Variants in CDH12 observed in about 807,000 individuals in gnomAD.
CDH12 encodes the protein cadherin 12, also known as cadherin-12.
CDH12 carries 41 observed loss-of-function variants against 74.1 expected under a neutral mutation model. The observed-to-expected ratio is 0.55, with a 90% CI of 0.43 to 0.72. CDH12 has a LOEUF of 0.72. Ranked by LOEUF, CDH12 falls within the 30% of genes least tolerant of loss-of-function variation. CDH12 has a pLI of 0.00. For synonymous variants in CDH12, 399 were observed against 355.0 expected, an observed-to-expected ratio of 1.12 and a Z score of -1.39; for missense variants, 945 against 977.2, an observed-to-expected ratio of 0.97 and a Z score of 0.44.
chr5:22,723,397 T>C (rs1744001012), intron 1 of CDH12, among the ~76,000 whole-genome samples: 1 of 152,080 alleles, frequency 6.6e-6, no homozygotes, highest in Admixed American at 6.6e-5. Flanking sequence ...ATGTGCCCAA[T>C]GTAACAGAAG....
intron 3 of CDH12, among the ~76,000 whole-genome samples, chr5:22,317,312 T>C (rs1004332683): frequency 2.0e-5 from 3 of 151,850 alleles, no homozygotes; most frequent in African/African-American, 4.8e-5. Context: ...AGTGAGTCTC[T>C]GTCTCAAAAA....
At chr5:22,511,466 A>G (rs1256667720) in intron 1 of CDH12, among the ~76,000 whole-genome samples, 1 of 152,196 alleles carries the variant, frequency 6.6e-6, no homozygotes, top group Non-Finnish European at 1.5e-5. Context: ...TCTAAAAAGC[A>G]TATAAAAATG....
intron 3 of CDH12, among the ~76,000 whole-genome samples, chr5:22,263,008 C>T (rs1217139451): frequency 6.6e-6 from 1 of 151,428 alleles, no homozygotes; most frequent in African/African-American, 2.4e-5. Context: ...ACAAACAACC[C>T]CATCAAAAAG....
At chr5:22,839,352 CTTTTTTT>C (rs1293903338) in intron 1 of CDH12, among the ~76,000 whole-genome samples, 1 of 120,264 alleles carries the variant, frequency 8.3e-6, no homozygotes, top group Non-Finnish European at 1.7e-5. Context: ...AATTACTTGT[CTTTTTTT>C]TTTTTTTTTT....
chr5:22,715,814 A>G (rs1380534875), intron 1 of CDH12, among the ~76,000 whole-genome samples: 1 of 79,766 alleles, frequency 1.3e-5, no homozygotes, highest in East Asian at 3.6e-4. Flanking sequence ...AAAAAAAAAA[A>G]GAAAAAAAAG....
At chr5:22,224,425 T>A (rs1160346028) in intron 3 of CDH12, among the ~76,000 whole-genome samples, 6 of 152,056 alleles carry the variant, frequency 3.9e-5, no homozygotes, top group African/African-American at 1.4e-4. Context: ...GTCACTTGGA[T>A]AATAATTTTA....
intron 6 of CDH12, among the ~76,000 whole-genome samples, chr5:21,947,743 C>T (rs4028780): frequency 2.6e-5 from 4 of 152,272 alleles, no homozygotes; most frequent in African/African-American, 9.6e-5. Flanking sequence ...AAGACAATGG[C>T]AAAATTTTTC....
intron 2 of CDH12, among the ~76,000 whole-genome samples, chr5:22,415,509 A>G (rs1298566217): frequency 6.6e-6 from 1 of 152,196 alleles, no homozygotes; most frequent in Non-Finnish European, 1.5e-5. Context: ...GTTCTTACAT[A>G]GTGTGATTTG....
At chr5:22,142,433 C>G (rs200525750) in intron 4 of CDH12, 43 of 581,606 alleles carry the variant, frequency 7.4e-5, no homozygotes, top group Admixed American at 4.7e-4. Context: ...GTCACTGAAT[C>G]TGGTTATAAA....
chr5:22,352,771 A>G (rs910719922), intron 3 of CDH12, among the ~76,000 whole-genome samples: 1 of 152,208 alleles, frequency 6.6e-6, no homozygotes, highest in African/African-American at 2.4e-5. Context: ...AAACCCTCTG[A>G]CATATGGACA....
chr5:22,386,585 TA>T (rs531716581), intron 3 of CDH12, among the ~76,000 whole-genome samples: 13 of 152,004 alleles, frequency 8.6e-5, no homozygotes, highest in South Asian at 8.3e-4. Context: ...TATATGCCCA[TA>T]AAAAAAATCT....
intron 6 of CDH12, among the ~76,000 whole-genome samples, chr5:21,933,577 A>G (rs936263434): frequency 2.0e-5 from 3 of 152,236 alleles, no homozygotes; most frequent in African/African-American, 7.2e-5. Flanking sequence ...TCTACAGCAT[A>G]TAATACTCCT....
intron 1 of CDH12, among the ~76,000 whole-genome samples, chr5:22,811,689 C>T (rs758714761): frequency 2.5e-4 from 38 of 152,174 alleles, no homozygotes; most frequent in Admixed American, 5.2e-4. Context: ...GATTGGGTAA[C>T]GAATTACATC....
intron 2 of CDH12, among the ~76,000 whole-genome samples, chr5:22,484,827 A>G (rs1224293475): frequency 1.3e-5 from 2 of 152,160 alleles, no homozygotes; most frequent in Non-Finnish European, 2.9e-5. Context: ...TATTTCTCCT[A>G]TTTTGATTTA....
intron 1 of CDH12, among the ~76,000 whole-genome samples, chr5:22,653,235 T>C (rs1473577956): frequency 1.3e-5 from 2 of 152,184 alleles, no homozygotes; most frequent in African/African-American, 2.4e-5. Flanking sequence ...CCCATGACTT[T>C]AAACAACTCC....
At chr5:22,644,866 G>T (rs563105336) in intron 1 of CDH12, among the ~76,000 whole-genome samples, 3 of 151,980 alleles carry the variant, frequency 2.0e-5, no homozygotes, top group Admixed American at 6.6e-5. Flanking sequence ...GGGCCTTTAA[G>T]AACTATTTTA....
At chr5:22,647,043 G>A (rs1364881942) in intron 1 of CDH12, among the ~76,000 whole-genome samples, 7 of 151,782 alleles carry the variant, frequency 4.6e-5, no homozygotes, top group Admixed American at 4.6e-4. Flanking sequence ...AGTGAAAGAA[G>A]CATTACTGGG....
intron 3 of CDH12, among the ~76,000 whole-genome samples, chr5:22,225,104 G>A (rs1019937033): frequency 1.2e-4 from 18 of 151,866 alleles, no homozygotes; most frequent in Non-Finnish European, 2.5e-4. Flanking sequence ...ATCGACCAAA[G>A]CCACTCAGAT....
intron 1 of CDH12, among the ~76,000 whole-genome samples, chr5:22,781,482 C>A (rs1048970212): frequency 1.4e-4 from 21 of 152,224 alleles, no homozygotes; most frequent in Non-Finnish European, 2.6e-4. Context: ...AGCCAACAAC[C>A]CCCAAGTCTC....
Sources: gnomAD v4.1 joint callset for allele counts (sites outside exome capture counted in the v4.1 genomes callset) on GRCh38, gnomAD v4.1.1 for gene constraint, MANE v1.5 for transcripts, NCBI Gene and HGNC (gene_info 2026-07-23, HGNC 2026-07-21) for gene names.